ZNF431: variants seen among roughly 807,000 people sequenced by gnomAD.
ZNF431 encodes zinc finger protein 431.
In ZNF431, 34 loss-of-function variants were observed where a neutral mutation model predicts 57.0. The observed-to-expected ratio is 0.60, with a 90% CI of 0.45 to 0.79. ZNF431 has a LOEUF of 0.79. Ranked by LOEUF, ZNF431 falls within the 30% of genes least tolerant of loss-of-function variation. The pLI, the probability that ZNF431 is intolerant of heterozygous loss-of-function variation, is 0.00. For missense variants in ZNF431, 607 were observed against 667.1 expected, an observed-to-expected ratio of 0.91 and a Z score of 0.99; for synonymous variants, 207 against 220.3, an observed-to-expected ratio of 0.94 and a Z score of 0.54.
chr19:21,156,355 C>T (rs534020074), intron 2 of ZNF431, among the ~76,000 whole-genome samples: 6 of 149,576 alleles, frequency 4.0e-5, no homozygotes, highest in South Asian at 2.1e-4. Context: ...CTCTTCCCCA[C>T]GCATGGATTT....
rs1023325474 is a variant in ZNF431 at position 21,195,994 on chromosome 19, T to C, written c.*11960T>C. 3 of 152,212 alleles carry C rather than the reference T, an allele frequency of 2.0e-5. No homozygotes were observed. The highest frequency in any genetic ancestry group is 2.9e-5 in the Non-Finnish European group (2 of 68,042). The allele number at this position is 152,212 out of a possible 1,614,324, so 9.4% of individuals were successfully genotyped here. On this transcript the variant is annotated 3_prime_UTR_variant, in exon 5 of 5. Coordinates refer to ENST00000311048, the MANE Select transcript of ZNF431 (RefSeq NM_133473.4). ...ATGATTCGATTTATATTTTGTGTTA[T>C]CTGGTTATAAATTTTATATAGCATT...
rs141505656 is a variant in ZNF431, at chr19:21,156,228, G to A, written c.97-10107G>A. On this transcript the variant is annotated intron_variant, in intron 2 of 4. Coordinates refer to ENST00000311048, the MANE Select transcript of ZNF431 (RefSeq NM_133473.4). ...AACCTGTTTTCCCCACCAAGCTAGG[G>A]TTCTGGGCCACCTGTTCATAATCTC... Among the ~76,000 whole-genome samples the A allele has an allele frequency of 4.4e-3, 666 of 152,306 alleles. 16 individuals carry two copies. In the East Asian group the frequency reaches 0.048, roughly 11 times the overall value.
intron 2 of ZNF431, among the ~76,000 whole-genome samples, chr19:21,162,272 C>G (rs1166859761): frequency 1.3e-5 from 2 of 152,006 alleles, no homozygotes; most frequent in Non-Finnish European, 2.9e-5. Flanking sequence ...CTATGGGAGT[C>G]AAGCGATTGT....
rs6511207 is a variant in ZNF431 at position 21,187,477 on chromosome 19, G to A, written c.*3443G>A. The A allele has an allele frequency of 0.6, 88,730 of 147,846 alleles. 26,968 individuals carry two copies. Among genetic ancestry groups the A allele is most frequent in the Middle Eastern group, 0.81 (231 of 286 alleles). The allele number at this position is 147,846 out of a possible 1,614,324, so 9.2% of individuals were successfully genotyped here. A position where few individuals can be genotyped will look rare whatever the true frequency, so the allele number is the denominator to read the frequency against. On this transcript the variant is annotated 3_prime_UTR_variant, in exon 5 of 5. Coordinates refer to ENST00000311048, the MANE Select transcript of ZNF431 (RefSeq NM_133473.4). ...AAAAGAGCTGGGCGTGGTGGCTCAC[G>A]CCTGTAATCCCAGCACTTTGGGAGG...
intron 2 of ZNF431, chr19:21,150,449 G>T: frequency 4.3e-6 from 1 of 231,934 alleles, no homozygotes; most frequent in Admixed American, 5.1e-5. Flanking sequence ...CTTGGGTCGG[G>T]GGAGGAGAGC....
Position 21,162,892 on chromosome 19 carries a change from A to G in ZNF431, c.97-3443A>G, listed in dbSNP as rs376466218. Reference sequence around the variant, plus strand: ...TCCAGTAGTTGCTCCACAAGTAACAAAAAAGTAAATATAAACACAATAAAA... The same window carrying G: ...TCCAGTAGTTGCTCCACAAGTAACAGAAAAGTAAATATAAACACAATAAAA... On this transcript the variant is annotated intron_variant, in intron 2 of 4. Coordinates refer to ENST00000311048, the MANE Select transcript of ZNF431 (RefSeq NM_133473.4). The G allele has an allele frequency of 3.8e-4, 121 of 316,782 alleles. 3 individuals are homozygous for G. The South Asian group carries it at 0.013, about 34-fold the overall frequency. The allele number at this position is 316,782 out of a possible 1,614,324, so 19.6% of individuals were successfully genotyped here.
chr19:21,148,517 A>C (rs1846219616), intron 2 of ZNF431, among the ~76,000 whole-genome samples: 1 of 152,226 alleles, frequency 6.6e-6, no homozygotes, highest in African/African-American at 2.4e-5. Flanking sequence ...TTTTGCAATT[A>C]AATTTTAGCA....
At chr19:21,153,305 T>A (rs1002379311) in intron 2 of ZNF431, among the ~76,000 whole-genome samples, 1 of 152,198 alleles carries the variant, frequency 6.6e-6, no homozygotes, top group Admixed American at 6.5e-5. Flanking sequence ...TTAGAATGTC[T>A]AACCATCTGG....
intron 2 of ZNF431, among the ~76,000 whole-genome samples, chr19:21,144,042 T>C (rs1023155997): frequency 5.9e-5 from 9 of 151,754 alleles, no homozygotes; most frequent in African/African-American, 1.9e-4. Context: ...ATCTCCCAAG[T>C]GATTGAATGG....
chr19:21,173,250 T>C (rs1224277714), intron 4 of ZNF431, among the ~76,000 whole-genome samples: 1 of 152,208 alleles, frequency 6.6e-6, no homozygotes, highest in Non-Finnish European at 1.5e-5. Context: ...TAAACATGGA[T>C]GTTCAAATAT....
chr19:21,166,962 G>A (rs1970735916), intron 3 of ZNF431, among the ~76,000 whole-genome samples: 1 of 152,058 alleles, frequency 6.6e-6, no homozygotes, highest in African/African-American at 2.4e-5. Flanking sequence ...CTGGGTTCAA[G>A]CGATTCTCCT....
At chr19:21,168,262 T>C (rs1029589309) in intron 4 of ZNF431, among the ~76,000 whole-genome samples, 2 of 152,200 alleles carry the variant, frequency 1.3e-5, no homozygotes, top group African/African-American at 4.8e-5. Context: ...AATTGTATTT[T>C]CTATTGTGAA....
chr19:21,166,844 T>G (rs1970733369), intron 3 of ZNF431, among the ~76,000 whole-genome samples: 1 of 152,132 alleles, frequency 6.6e-6, no homozygotes, highest in East Asian at 1.9e-4. Flanking sequence ...TTAATCAGTA[T>G]TTTCAGATTA....
intron 4 of ZNF431, among the ~76,000 whole-genome samples, chr19:21,177,129 G>C (rs966464774): frequency 3.3e-5 from 5 of 152,178 alleles, no homozygotes; most frequent in African/African-American, 1.2e-4. Flanking sequence ...GAGTAGTATT[G>C]CCTAGATTTT....
chr19:21,162,863 C>A, intron 2 of ZNF431: 1 of 553,490 alleles, frequency 1.8e-6, no homozygotes, highest in Non-Finnish European at 2.3e-6. Context: ...TCTATTCCTG[C>A]AGATCCAGTA....
intron 2 of ZNF431, chr19:21,150,475 T>C (rs984487079): frequency 9.5e-6 from 2 of 209,740 alleles, no homozygotes; most frequent in African/African-American, 4.7e-5. Context: ...TGTCAGTTTC[T>C]TAACTGGATT....
At chr19:21,162,419 GCCTCACCCT>G (rs1970599230) in intron 2 of ZNF431, among the ~76,000 whole-genome samples, 1 of 151,902 alleles carries the variant, frequency 6.6e-6, no homozygotes, top group Non-Finnish European at 1.5e-5. Context: ...GGTGCCACCT[GCCTCACCCT>G]CCTGAAGTGC....
Position 21,191,630 on chromosome 19 carries a change from T to C in ZNF431, c.*7596T>C, listed in dbSNP as rs1971512585. The C allele has an allele frequency of 6.6e-6, 1 of 152,200 alleles. No individual in the cohort carries two copies. The highest frequency in any genetic ancestry group is 2.4e-5 in the African/African-American group (1 of 41,448). The allele number at this position is 152,200 out of a possible 1,614,324, so 9.4% of individuals were successfully genotyped here. ...TTTATCTCTGCATGTGGATATAAAG[T>C]TTTCTTAATTGAAGATTCTGTTCTT... On this transcript the variant is annotated 3_prime_UTR_variant, in exon 5 of 5. Transcript: ENST00000311048.
intron 2 of ZNF431, among the ~76,000 whole-genome samples, chr19:21,162,571 G>T (rs1227896283): frequency 6.6e-6 from 1 of 152,158 alleles, no homozygotes; most frequent in African/African-American, 2.4e-5. Flanking sequence ...CTCCCAAAGT[G>T]CTGGGATTAT....
Sources: gnomAD v4.1 joint callset for allele counts (sites outside exome capture counted in the v4.1 genomes callset) on GRCh38, gnomAD v4.1.1 for gene constraint, MANE v1.5 for transcripts, NCBI Gene and HGNC (gene_info 2026-07-23, HGNC 2026-07-21) for gene names.